Variants in ZNF609 observed in about 807,000 individuals in gnomAD.
ZNF609 encodes the protein zinc finger protein 609.
In ZNF609, 11 loss-of-function variants were observed where a neutral mutation model predicts 109.5. The observed-to-expected ratio is 0.10, with a 90% confidence interval of 0.06 to 0.17. The LOEUF (loss-of-function observed/expected upper bound fraction) is 0.17. Among genes scored for constraint, ZNF609 ranks in the 10% least tolerant of loss-of-function variants. ZNF609 has a pLI of 1.00. For synonymous variants in ZNF609, 646 were observed against 662.0 expected (o/e 0.98, Z 0.37); for missense variants, 1,559 against 1,772.4 (o/e 0.88, Z 2.16).
chr15:64,645,805 G>T (rs1041302347), intron 3 of ZNF609, among the ~76,000 whole-genome samples: 3 of 152,066 alleles, frequency 2.0e-5, no homozygotes, highest in East Asian at 3.9e-4. Context: ...AATTATAAGA[G>T]AAATGAACAT....
intron 2 of ZNF609, among the ~76,000 whole-genome samples, chr15:64,608,673 CTT>C (rs1895652843): frequency 6.6e-6 from 1 of 152,126 alleles, no homozygotes; most frequent in Non-Finnish European, 1.5e-5. Flanking sequence ...AATCTGTTCT[CTT>C]TGTCTCTAAT....
chr15:64,496,234 C>T (rs1893480496), intron 1 of ZNF609, among the ~76,000 whole-genome samples: 1 of 152,230 alleles, frequency 6.6e-6, no homozygotes, highest in Non-Finnish European at 1.5e-5. Flanking sequence ...TGAGCACTAA[C>T]ATTTTTCTGT....
chr15:64,493,461 T>TA (rs1297513043), intron 1 of ZNF609, among the ~76,000 whole-genome samples: 1 of 152,164 alleles, frequency 6.6e-6, no homozygotes, highest in Non-Finnish European at 1.5e-5. Context: ...GTTATTATGA[T>TA]ATGTTTTTTA....
intron 4 of ZNF609, chr15:64,671,343 CA>C (rs1206903345): frequency 6.6e-6 from 1 of 151,378 alleles, no homozygotes; most frequent in Admixed American, 6.6e-5. Context: ...GGGTGACATG[CA>C]GATTCGTTAA....
At chr15:64,505,924 G>A (rs1406761267) in intron 2 of ZNF609, among the ~76,000 whole-genome samples, 1 of 152,026 alleles carries the variant, frequency 6.6e-6, no homozygotes, top group East Asian at 1.9e-4. Context: ...GTAGTGAGCT[G>A]TGATCGCACT....
chr15:64,579,987 G>A (rs915389551), intron 2 of ZNF609, among the ~76,000 whole-genome samples: 1 of 152,112 alleles, frequency 6.6e-6, no homozygotes, highest in South Asian at 2.1e-4. Context: ...ACCTTACCTG[G>A]CAAAAGAGAT....
At chr15:64,679,011 G>C (rs182347796) in intron 6 of ZNF609, among the ~76,000 whole-genome samples, 4 of 152,198 alleles carry the variant, frequency 2.6e-5, no homozygotes, top group South Asian at 2.1e-4. Flanking sequence ...AGTCAGACTG[G>C]GGGGAGGTCC....
At chr15:64,625,035 G>C (rs1319910200) in intron 3 of ZNF609, among the ~76,000 whole-genome samples, 1 of 152,100 alleles carries the variant, frequency 6.6e-6, no homozygotes. Flanking sequence ...TGGGATTACA[G>C]GTGTGAGCTA....
intron 1 of ZNF609, among the ~76,000 whole-genome samples, chr15:64,473,257 G>GGT (rs1362761542): frequency 7.1e-6 from 1 of 141,352 alleles, no homozygotes; most frequent in Non-Finnish European, 1.5e-5. Context: ...GGAGTCCAGT[G>GGT]GTGTGGTCTC....
At position 64,675,817 on chromosome 15, in the gene ZNF609, A is replaced by G. The variant is rs547554463; in HGVS notation, c.2963A>G (p.Gln988Arg). ...AYVPPYGYSD[Q>R]SYHTHLLSTN... ...GTACCCCCCTATGGCTACAGCGACCAGAGTTACCACACCCACCTTCTGAGC... is the reference window on the plus strand; with the variant it reads ...GTACCCCCCTATGGCTACAGCGACCGGAGTTACCACACCCACCTTCTGAGC... Residue 988 changes from glutamine (Q) to arginine (R), a missense_variant, in exon 5 of 10, where the codon CAG (glutamine) becomes CGG (arginine). Transcript: ENST00000326648. 5 of 1,614,224 alleles carry G rather than the reference A, an allele frequency of 3.1e-6. No individual in the cohort carries two copies. The South Asian group carries it at 3.3e-5, about 11-fold the overall frequency.
At chr15:64,469,817 G>A (rs1403637511) in intron 1 of ZNF609, among the ~76,000 whole-genome samples, 1 of 152,162 alleles carries the variant, frequency 6.6e-6, no homozygotes, top group African/African-American at 2.4e-5. Context: ...TCAGCTTGAG[G>A]TCAGGAGTTG....
At chr15:64,504,349 A>G (rs988835630) in intron 2 of ZNF609, among the ~76,000 whole-genome samples, 7 of 152,248 alleles carry the variant, frequency 4.6e-5, no homozygotes, top group African/African-American at 1.7e-4. Flanking sequence ...TCTCACAGGT[A>G]GTCACTGGCA....
chr15:64,553,136 G>A (rs1033881432), intron 2 of ZNF609, among the ~76,000 whole-genome samples: 2 of 152,094 alleles, frequency 1.3e-5, no homozygotes, highest in African/African-American at 4.8e-5. Context: ...ATTACTACAT[G>A]TCTTGATTAC....
At chr15:64,640,915 T>A (rs1896243880) in intron 3 of ZNF609, among the ~76,000 whole-genome samples, 2 of 152,194 alleles carry the variant, frequency 1.3e-5, no homozygotes, top group South Asian at 4.1e-4. Context: ...CTGTGTCAGA[T>A]TTTTTGCATT....
intron 3 of ZNF609, among the ~76,000 whole-genome samples, chr15:64,652,368 C>G (rs1408980027): frequency 1.4e-5 from 2 of 145,994 alleles, no homozygotes; most frequent in Non-Finnish European, 3.0e-5. Context: ...ACTACAGGCA[C>G]ACACCACCAT....
chr15:64,463,730 T>C (rs1892975067), intron 1 of ZNF609, among the ~76,000 whole-genome samples: 1 of 152,238 alleles, frequency 6.6e-6, no homozygotes, highest in Non-Finnish European at 1.5e-5. Context: ...CTGACCTTTA[T>C]ATATTTTTTG....
chr15:64,497,388 T>C (rs1430111745), intron 1 of ZNF609, among the ~76,000 whole-genome samples: 2 of 152,196 alleles, frequency 1.3e-5, no homozygotes, highest in African/African-American at 4.8e-5. Context: ...CTAGCAGGCA[T>C]TCACCTGGCT....
chr15:64,512,961 C>T (rs1276650184), intron 2 of ZNF609, among the ~76,000 whole-genome samples: 1 of 152,030 alleles, frequency 6.6e-6, no homozygotes, highest in East Asian at 1.9e-4. Flanking sequence ...TACTAGAAAA[C>T]ATTGTGGTAT....
intron 1 of ZNF609, among the ~76,000 whole-genome samples, chr15:64,475,874 T>A (rs1385427416): frequency 6.6e-6 from 1 of 152,188 alleles, no homozygotes; most frequent in Non-Finnish European, 1.5e-5. Context: ...AAAAAAGAAA[T>A]TGTGATTTTT....
Sources: allele counts gnomAD v4.1 joint callset (sites outside exome capture counted in the v4.1 genomes callset), GRCh38; gene constraint gnomAD v4.1.1; transcripts MANE v1.5; gene names NCBI Gene and HGNC (gene_info 2026-07-23, HGNC 2026-07-21).